Variants in SLC7A5 observed in about 807,000 individuals in gnomAD.
SLC7A5 encodes the protein large neutral amino acids transporter small subunit 1.
Under a neutral mutation model 50.2 loss-of-function variants are expected in SLC7A5, and 23 were observed. The ratio of observed to expected loss-of-function variants is 0.46; its 90% confidence interval spans 0.33 to 0.65. The LOEUF is 0.65. Among genes scored for constraint, SLC7A5 ranks in the 30% least tolerant of loss-of-function variants. The probability of loss-of-function intolerance (pLI) is 0.02; values close to 1 mark genes in which losing one functional copy is unlikely to be tolerated. For synonymous variants in SLC7A5, 393 were observed against 330.6 expected (o/e 1.19, Z -2.05); for missense variants, 578 against 684.4 (o/e 0.84, Z 1.73).
chr16:87,833,771 C>T lies in SLC7A5; in HGVS notation c.1468+643G>A, dbSNP rs572774249. Among the ~76,000 whole-genome samples the T allele has an allele frequency of 2.0e-5, 3 of 152,064 alleles. No individual in the cohort carries two copies. Among genetic ancestry groups the T allele is most frequent in the Admixed American group, 6.5e-5 (1 of 15,280 alleles). ...ACGAGCCTGGCCACATTTGCAGGCG[C>T]TGAGGACGGGGTCCTGAGCTTGGTG... On this transcript the variant is annotated intron_variant, in intron 9 of 9. Coordinates refer to ENST00000261622, the MANE Select transcript of SLC7A5 (RefSeq NM_003486.7). This position sits in a 1 kb window ranked among gnomAD's most constrained non-coding sequence, Gnocchi z 6.0.
chr16:87,836,662 C>A lies in SLC7A5; in HGVS notation c.1141-15G>T, dbSNP rs191224193. 3.7e-6 allele frequency: 6 copies of A among 1,610,314 alleles called. No homozygotes were observed. The highest frequency in any genetic ancestry group is 2.7e-5 in the African/African-American group (2 of 75,064). ...GTCATCACACACTGGAAGAGAGAGG[C>A]GGCTGGCTGAGCCCTGGGGCCCACG... On this transcript the variant is annotated splice_polypyrimidine_tract_variant and intron_variant, in intron 7 of 9. Coordinates refer to ENST00000261622, the MANE Select transcript of SLC7A5 (RefSeq NM_003486.7).
intron 2 of SLC7A5, among the ~76,000 whole-genome samples, chr16:87,845,585 G>A (rs1410124655): frequency 6.7e-6 from 1 of 150,082 alleles, no homozygotes; most frequent in Non-Finnish European, 1.5e-5. Flanking sequence ...CTTTTCAGAT[G>A]CCTGTTTCGC....
At chr16:87,866,173 C>T (rs1174348730) in intron 1 of SLC7A5, among the ~76,000 whole-genome samples, 1 of 152,094 alleles carries the variant, frequency 6.6e-6, no homozygotes, top group East Asian at 1.9e-4. Context: ...AGAGGGCAGC[C>T]TCTGCGTACT....
intron 5 of SLC7A5, among the ~76,000 whole-genome samples, chr16:87,839,299 C>G (rs570084908): frequency 6.6e-6 from 1 of 152,318 alleles, no homozygotes; most frequent in Non-Finnish European, 1.5e-5. Context: ...CCGGGCCTGG[C>G]CTCCCGCCTG....
In SLC7A5 at chr16:87,840,482, TAG is replaced by T; in HGVS notation, c.771-11_771-10del. ...CGAAATTCAAGTAATTCCTAAAATTTAGAGAACAGCGTTCAAATTATATGATC... is the reference window on the plus strand; with the variant it reads ...CGAAATTCAAGTAATTCCTAAAATTTAGAACAGCGTTCAAATTATATGATC... On this transcript the variant is annotated splice_polypyrimidine_tract_variant and intron_variant, in intron 3 of 9. Transcript: ENST00000261622. 6.2e-7 allele frequency: 1 copy of T among 1,600,072 alleles called. No individual in the cohort carries two copies. Among genetic ancestry groups the T allele is most frequent in the East Asian group, 2.2e-5 (1 of 44,824 alleles).
chr16:87,841,526 A>T lies in SLC7A5; in HGVS notation c.665-371T>A, dbSNP rs533779141. Among the ~76,000 whole-genome samples the T allele has an allele frequency of 6.6e-6, 1 of 152,326 alleles. No homozygotes were observed. Among genetic ancestry groups the T allele is most frequent in the East Asian group, 1.9e-4 (1 of 5,184 alleles). Reference sequence around the variant, plus strand: ...CGACATGAGTGTCAAGGCAGTATAAAGCCAGGAGACCTCGGTTTGCATCCT... The same window carrying T: ...CGACATGAGTGTCAAGGCAGTATAATGCCAGGAGACCTCGGTTTGCATCCT... On this transcript the variant is annotated intron_variant, in intron 2 of 9. Transcript: ENST00000261622. This position sits in a 1 kb window ranked among gnomAD's most constrained non-coding sequence, Gnocchi z 4.8.
Position 87,862,154 on chromosome 16 carries a change from G to A in SLC7A5, c.538+6731C>T, listed in dbSNP as rs939604745. On this transcript the variant is annotated intron_variant, in intron 1 of 9. Coordinates refer to ENST00000261622, the MANE Select transcript of SLC7A5 (RefSeq NM_003486.7). This position sits in a 1 kb window ranked among gnomAD's most constrained non-coding sequence, Gnocchi z 5.3. The stretch of plus-strand genomic sequence containing the variant: ...CTACAGGTGCTTGATACCCCAGGGG[G>A]GCCCTGGAACAGGCCTGGACTGAGA... 6.6e-6 allele frequency among the ~76,000 whole-genome samples: 1 copy of A among 152,050 alleles called. No individual in the cohort carries two copies. Among genetic ancestry groups the A allele is most frequent in the African/African-American group, 2.4e-5 (1 of 41,388 alleles).
At chr16:87,844,198 G>C (rs928159347) in intron 2 of SLC7A5, among the ~76,000 whole-genome samples, 3 of 151,470 alleles carry the variant, frequency 2.0e-5, no homozygotes, top group African/African-American at 4.9e-5. Context: ...TTGTCCCTAA[G>C]AGGCATCTTC....
At position 87,852,638 on chromosome 16, in the gene SLC7A5, CT is replaced by C. The variant is rs2055247391; in HGVS notation, c.539-790del. Among the ~76,000 whole-genome samples the C allele has an allele frequency of 8.6e-6, 1 of 116,796 alleles. No individual in the cohort carries two copies. The highest frequency in any genetic ancestry group is 3.3e-5 in the African/African-American group (1 of 30,614). 76.6% of individuals were successfully genotyped at this position (116,796 alleles called of 152,430 possible). ...CTGTAAGGCACCCAGCTCTGAGCCT[CT>C]GTGTGTGTGTGTGTGTGTGTGTGTG... On this transcript the variant is annotated intron_variant, in intron 1 of 9. Transcript: ENST00000261622. The surrounding 1 kb of genome is among the most constrained non-coding windows in gnomAD (Gnocchi z 4.5).
At chr16:87,843,994 C>T (rs1167539348) in intron 2 of SLC7A5, among the ~76,000 whole-genome samples, 1 of 151,010 alleles carries the variant, frequency 6.6e-6, no homozygotes, top group Non-Finnish European at 1.5e-5. Flanking sequence ...GAGCGGCCCA[C>T]TCATCCAGCA....
At chr16:87,866,973 C>T (rs2143839985) in intron 1 of SLC7A5, among the ~76,000 whole-genome samples, 1 of 152,018 alleles carries the variant, frequency 6.6e-6, no homozygotes, top group South Asian at 2.1e-4. Flanking sequence ...GCTCTGTCAC[C>T]CAGACTGGAG....
rs1365985907 is a variant in SLC7A5, at chr16:87,860,340, ATACAC to A, written c.539-8496_539-8492del. ...AAAAGCATCTCAAAAAAAAAAAAAA[ATACAC>A]ACACACACACACACACACACACACA... On this transcript the variant is annotated intron_variant, in intron 1 of 9. Coordinates refer to ENST00000261622, the MANE Select transcript of SLC7A5 (RefSeq NM_003486.7). The surrounding 1 kb of genome is among the most constrained non-coding windows in gnomAD (Gnocchi z 4.8). 1.9e-4 allele frequency among the ~76,000 whole-genome samples: 10 copies of A among 52,194 alleles called. No individual in the cohort carries two copies. Among genetic ancestry groups the A allele is most frequent in the African/African-American group, 6.4e-4 (6 of 9,422 alleles). 34.2% of individuals were successfully genotyped at this position (52,194 alleles called of 152,430 possible). A position where few individuals can be genotyped will look rare whatever the true frequency, so the allele number is the denominator to read the frequency against.
At chr16:87,840,381 CA>C (rs1450161544) in intron 4 of SLC7A5, 47 bp downstream of exon 4, 1 of 1,514,600 alleles carries the variant, frequency 6.6e-7, no homozygotes, top group Non-Finnish European at 9.2e-7. Context: ...CTTCCTGCCT[CA>C]CATTAAAATA....
intron 1 of SLC7A5, among the ~76,000 whole-genome samples, chr16:87,859,310 G>C (rs1225760466): frequency 6.6e-6 from 1 of 152,186 alleles, no homozygotes; most frequent in Non-Finnish European, 1.5e-5. Flanking sequence ...GGTGAAGACA[G>C]GGCCCCAAGA....
intron 3 of SLC7A5, among the ~76,000 whole-genome samples, 176 bp from the exon 4 acceptor site, chr16:87,840,649 C>T (rs1188308111): frequency 6.6e-6 from 1 of 152,192 alleles, no homozygotes; most frequent in African/African-American, 2.4e-5. Context: ...CCGGGGGGTC[C>T]CTGCTACCCC....
At chr16:87,840,158 C>T (rs1018573398) in intron 4 of SLC7A5, among the ~76,000 whole-genome samples, 11 of 152,324 alleles carry the variant, frequency 7.2e-5, no homozygotes, top group South Asian at 2.1e-4. Flanking sequence ...GCTGCACAGC[C>T]GGGGACCAGA....
intron 1 of SLC7A5, among the ~76,000 whole-genome samples, chr16:87,865,989 A>G (rs2055455978): frequency 6.6e-6 from 1 of 152,150 alleles, no homozygotes; most frequent in South Asian, 2.1e-4. Flanking sequence ...GGCAACAGAC[A>G]CAGACTCTGT....
intron 1 of SLC7A5, among the ~76,000 whole-genome samples, chr16:87,859,284 C>T (rs567404600): frequency 6.6e-6 from 1 of 152,194 alleles, no homozygotes; most frequent in Non-Finnish European, 1.5e-5. Context: ...GCTCACAAGG[C>T]CCCTACACGG....
chr16:87,834,342 C>T, intron 9 of SLC7A5, 72 bp downstream of exon 9: 2 of 1,478,180 alleles, frequency 1.4e-6, no homozygotes, highest in South Asian at 2.4e-5. Context: ...GTGGAGACGG[C>T]CGACGCCTCT....
Sources: gnomAD v4.1 joint callset for allele counts (sites outside exome capture counted in the v4.1 genomes callset) on GRCh38, gnomAD v4.1.1 for gene constraint, Gnocchi (gnomAD v3.1) non-coding constraint, MANE v1.5 for transcripts, NCBI Gene and HGNC (gene_info 2026-07-23, HGNC 2026-07-21) for gene names.